Variants in TAFA1 observed in about 807,000 individuals in gnomAD.
TAFA1 encodes the protein TAFA chemokine like family member 1.
In TAFA1, 4 loss-of-function variants were observed where a neutral mutation model predicts 18.5. The ratio of observed to expected loss-of-function variants is 0.22; its 90% CI spans 0.11 to 0.49. TAFA1 has a LOEUF of 0.49. Ranked by LOEUF, TAFA1 falls within the 20% of genes least tolerant of loss-of-function variation. The probability of loss-of-function intolerance (pLI) is 0.98; values close to 1 mark genes in which losing one functional copy is unlikely to be tolerated. For synonymous variants in TAFA1, 56 were observed against 55.2 expected, an observed-to-expected ratio of 1.01 and a Z score of -0.06; for missense variants, 147 against 169.0, an observed-to-expected ratio of 0.87 and a Z score of 0.72.
chr3:68,182,545 T>C (rs2066217700), intron 2 of TAFA1, among the ~76,000 whole-genome samples: 1 of 152,220 alleles, frequency 6.6e-6, no homozygotes, highest in African/African-American at 2.4e-5. Flanking sequence ...CAATTGGTAC[T>C]GTTGTTATTA....
intron 2 of TAFA1, among the ~76,000 whole-genome samples, chr3:68,059,917 G>T (rs1694939568): frequency 6.6e-6 from 1 of 152,048 alleles, no homozygotes; most frequent in Non-Finnish European, 1.5e-5. Flanking sequence ...TTCCTGGGAG[G>T]CAGCTGGGGA....
intron 2 of TAFA1, among the ~76,000 whole-genome samples, chr3:68,292,651 C>T (rs938462121): frequency 6.6e-6 from 1 of 152,124 alleles, no homozygotes; most frequent in African/African-American, 2.4e-5. Flanking sequence ...CTCAACCTTC[C>T]AAGTAGGTGG....
At chr3:68,000,763 A>G (rs1704274837), upstream of TAFA1, among the ~76,000 whole-genome samples, 1 of 152,168 alleles carries the variant, frequency 6.6e-6, no homozygotes, top group African/African-American at 2.4e-5. Context: ...GGTAGCCTGG[A>G]TGAGGGTAGT....
intron 2 of TAFA1, among the ~76,000 whole-genome samples, chr3:68,119,112 A>G (rs1483052415): frequency 6.6e-6 from 1 of 151,350 alleles, no homozygotes; most frequent in South Asian, 2.1e-4. Flanking sequence ...TTTGATTTGC[A>G]TTTCCATAAT....
chr3:68,024,976 G>T (rs553478050), intron 2 of TAFA1, among the ~76,000 whole-genome samples: 1 of 152,244 alleles, frequency 6.6e-6, no homozygotes, highest in Non-Finnish European at 1.5e-5. Context: ...TGATTCACTG[G>T]TTGGATTTTC....
intron 3 of TAFA1, among the ~76,000 whole-genome samples, chr3:68,427,589 TA>T (rs1559665238): frequency 6.6e-6 from 1 of 151,846 alleles, no homozygotes; most frequent in Non-Finnish European, 1.5e-5. Flanking sequence ...AGTAATATTT[TA>T]AAAAATTAAT....
intron 2 of TAFA1, among the ~76,000 whole-genome samples, chr3:68,413,947 G>A (rs955683931): frequency 6.6e-6 from 1 of 152,066 alleles, no homozygotes; most frequent in Admixed American, 6.6e-5. Flanking sequence ...ACATGCCTGG[G>A]GTGCTCATGC....
rs528629294 is a variant in TAFA1, at chr3:68,545,523, G to C, written c.*1020G>C. On this transcript the variant is annotated 3_prime_UTR_variant, in exon 5 of 5. Transcript: ENST00000478136. ...TCCAAGAGTATTCAGGTCTCCTCTTGTGAGATAGGAAGGCCATGAAAACAA... is the reference window on the plus strand; with the variant it reads ...TCCAAGAGTATTCAGGTCTCCTCTTCTGAGATAGGAAGGCCATGAAAACAA... The C allele has an allele frequency of 2.0e-5, 3 of 152,686 alleles. No individual in the cohort carries two copies. In the South Asian group the frequency reaches 6.2e-4, roughly 32 times the overall value. The allele number at this position is 152,686 out of a possible 1,614,324, so 9.5% of individuals were successfully genotyped here. A position where few individuals can be genotyped will look rare whatever the true frequency, so the allele number is the denominator to read the frequency against.
At chr3:68,463,594 C>T (rs573791164) in intron 3 of TAFA1, among the ~76,000 whole-genome samples, 3 of 152,218 alleles carry the variant, frequency 2.0e-5, no homozygotes, top group African/African-American at 7.2e-5. Flanking sequence ...TCCATGTCCA[C>T]AATGAATCTT....
chr3:68,219,340 C>G (rs1362764101), intron 2 of TAFA1, among the ~76,000 whole-genome samples: 1 of 152,084 alleles, frequency 6.6e-6, no homozygotes. Flanking sequence ...ATATAGTTTA[C>G]TAATATAGAC....
At chr3:68,030,576 C>G (rs1316151592) in intron 2 of TAFA1, among the ~76,000 whole-genome samples, 3 of 152,064 alleles carry the variant, frequency 2.0e-5, no homozygotes. Flanking sequence ...CATCCATGTC[C>G]CTGCAAAGGA....
intron 2 of TAFA1, among the ~76,000 whole-genome samples, chr3:68,232,417 A>C (rs1280261161): frequency 1.3e-5 from 2 of 152,190 alleles, no homozygotes; most frequent in African/African-American, 4.8e-5. Context: ...TCTGAATGGT[A>C]TTCCATTGTG....
chr3:68,348,346 C>T (rs1483560103), intron 2 of TAFA1, among the ~76,000 whole-genome samples: 1 of 152,120 alleles, frequency 6.6e-6, no homozygotes, highest in Non-Finnish European at 1.5e-5. Context: ...TATCACTATA[C>T]TTATGGACTG....
chr3:68,020,455 C>G (rs1704663160), intron 2 of TAFA1, among the ~76,000 whole-genome samples: 1 of 151,746 alleles, frequency 6.6e-6, no homozygotes, highest in South Asian at 2.1e-4. Context: ...TTAAGTAAGA[C>G]ATAGCGATAA....
intron 2 of TAFA1, among the ~76,000 whole-genome samples, chr3:68,265,165 A>G (rs2107210863): frequency 6.6e-6 from 1 of 152,316 alleles, no homozygotes; most frequent in South Asian, 2.1e-4. Context: ...GCTCTTTTTA[A>G]AATAATTTCA....
intron 2 of TAFA1, among the ~76,000 whole-genome samples, chr3:68,334,397 G>A (rs953784987): frequency 2.0e-5 from 3 of 152,138 alleles, no homozygotes; most frequent in Non-Finnish European, 2.9e-5. Context: ...TTGTGAAACA[G>A]CTTTTGAACA....
At chr3:68,415,699 C>A (rs2070820935) in intron 2 of TAFA1, among the ~76,000 whole-genome samples, 1 of 152,072 alleles carries the variant, frequency 6.6e-6, no homozygotes, top group Admixed American at 6.6e-5. Context: ...TACCATATGT[C>A]AGGCTCGGCA....
chr3:68,423,906 C>T (rs1243107207), intron 3 of TAFA1, among the ~76,000 whole-genome samples: 1 of 151,952 alleles, frequency 6.6e-6, no homozygotes, highest in East Asian at 1.9e-4. Context: ...CTTCTCATTC[C>T]ATGTAAATTA....
intron 4 of TAFA1, among the ~76,000 whole-genome samples, chr3:68,539,686 C>G (rs1177513067): frequency 0.27 from 212 of 780 alleles, 3 homozygotes; most frequent in East Asian, 0.47. Flanking sequence ...TGTGGGGGGG[C>G]ATGGGGTGGG....
Sources: allele counts gnomAD v4.1 joint callset (sites outside exome capture counted in the v4.1 genomes callset), GRCh38; gene constraint gnomAD v4.1.1; transcripts MANE v1.5; gene names NCBI Gene and HGNC (gene_info 2026-07-23, HGNC 2026-07-21).